Variants in ADGB observed in about 807,000 individuals in gnomAD.
ADGB encodes calpain-7-like protein.
A neutral mutation model predicts 210.5 loss-of-function variants in ADGB; 172 were observed. That is an observed-to-expected ratio of 0.82 (90% CI 0.72 to 0.93). The LOEUF is 0.93. Ranked by LOEUF, ADGB falls within the 40% of genes least tolerant of loss-of-function variation. ADGB has a pLI of 0.00. For synonymous variants in ADGB, 658 were observed against 662.7 expected, an observed-to-expected ratio of 0.99 and a Z score of 0.11; for missense variants, 2,025 against 1,964.8, an observed-to-expected ratio of 1.03 and a Z score of -0.58.
At chr6:146,676,243 ATGAC>A (rs951872816) in intron 8 of ADGB, 66 bp from the exon 9 acceptor site, 3 of 1,351,510 alleles carry the variant, frequency 2.2e-6, no homozygotes, top group African/African-American at 3.0e-5. Context: ...CTTTAAGACA[ATGAC>A]TGAATAAGAA....
chr6:146,716,455 C>A (rs868613966), intron 14 of ADGB, among the ~76,000 whole-genome samples: 4 of 141,448 alleles, frequency 2.8e-5, no homozygotes, highest in Admixed American at 2.7e-4. Flanking sequence ...TAGCCGGGCG[C>A]GGTGGCGGGC....
In ADGB at chr6:146,696,129, G is replaced by T. The variant is rs150499132; in HGVS notation, c.1577+3214G>T. Reference sequence around the variant, plus strand: ...TCTGCTCTGCTGCCCAGGCTAGAGTGCAGTGGAGCAATCTTGGCTCACTGC... The same window carrying T: ...TCTGCTCTGCTGCCCAGGCTAGAGTTCAGTGGAGCAATCTTGGCTCACTGC... On this transcript the variant is annotated intron_variant, in intron 12 of 35. Transcript: ENST00000397944. 9.3e-3 allele frequency among the ~76,000 whole-genome samples: 1,410 copies of T among 150,934 alleles called. 32 individuals carry two copies. The highest frequency in any genetic ancestry group is 0.033 in the African/African-American group (1,352 of 40,972).
intron 9 of ADGB, among the ~76,000 whole-genome samples, chr6:146,685,456 A>T (rs1178685667): frequency 6.6e-6 from 1 of 152,034 alleles, no homozygotes; most frequent in Non-Finnish European, 1.5e-5. Flanking sequence ...GCACTGACGA[A>T]TAACTAGAGT....
intron 35 of ADGB, among the ~76,000 whole-genome samples, chr6:146,807,042 G>A (rs1025153148): frequency 1.3e-4 from 20 of 152,136 alleles, no homozygotes; most frequent in Non-Finnish European, 1.5e-5. Context: ...TACATGTGGG[G>A]AACTAGTAAT....
intron 1 of ADGB, among the ~76,000 whole-genome samples, chr6:146,623,990 A>AT (rs1780937091): frequency 1.3e-5 from 2 of 151,624 alleles, no homozygotes; most frequent in Admixed American, 6.6e-5. Flanking sequence ...CTGTCTAGAT[A>AT]TTTTTTGCAT....
At chr6:146,770,488 C>G (rs1777634183) in intron 29 of ADGB, 1 of 411,928 alleles carries the variant, frequency 2.4e-6, no homozygotes, top group African/African-American at 2.1e-5. Context: ...TCTGAGGTTC[C>G]TCTCTCATTG....
chr6:146,624,850 GTTATT>G (rs1187132801), intron 1 of ADGB, among the ~76,000 whole-genome samples: 1 of 151,786 alleles, frequency 6.6e-6, no homozygotes, highest in Non-Finnish European at 1.5e-5. Context: ...ATTACAGTGT[GTTATT>G]TATATTTCAA....
intron 5 of ADGB, among the ~76,000 whole-genome samples, chr6:146,658,112 G>T (rs1775809948): frequency 6.6e-6 from 1 of 152,078 alleles, no homozygotes; most frequent in East Asian, 1.9e-4. Context: ...CTGGGATGGG[G>T]AATGTTGAAG....
At chr6:146,700,513 A>G (rs1426170412) in intron 12 of ADGB, among the ~76,000 whole-genome samples, 1 of 152,196 alleles carries the variant, frequency 6.6e-6, no homozygotes, top group Non-Finnish European at 1.5e-5. Context: ...ACTTGAAAGG[A>G]AGACTGTATG....
At chr6:146,780,033 T>C (rs959725402) in intron 29 of ADGB, among the ~76,000 whole-genome samples, 5 of 151,994 alleles carry the variant, frequency 3.3e-5, no homozygotes, top group Non-Finnish European at 7.4e-5. Context: ...ATCATAAGTC[T>C]GTGTTGATGG....
At chr6:146,654,297 T>G in intron 4 of ADGB, 91 bp downstream of exon 4, 2 of 725,594 alleles carry the variant, frequency 2.8e-6, no homozygotes, top group Non-Finnish European at 4.5e-6. Context: ...CAACTCTCCC[T>G]TGCTCACCTT....
At chr6:146,712,313 T>A (rs900376473) in intron 13 of ADGB, among the ~76,000 whole-genome samples, 1 of 151,912 alleles carries the variant, frequency 6.6e-6, no homozygotes, top group Non-Finnish European at 1.5e-5. Context: ...GCCTCCCAAG[T>A]AGCTGGGGCT....
At chr6:146,774,708 A>G (rs994253174) in intron 29 of ADGB, among the ~76,000 whole-genome samples, 1 of 152,200 alleles carries the variant, frequency 6.6e-6, no homozygotes, top group Non-Finnish European at 1.5e-5. Flanking sequence ...TTATATATAC[A>G]ACTTAAAATC....
In ADGB at chr6:146,746,001, G is replaced by A; in HGVS notation, c.3257G>A (p.Gly1086Asp). ...AASRWKLRLI[G>D]SSAPLPCLSR... Reference sequence around the variant, plus strand: ...TCACGATGGAAACTGCGTCTCATCGGTTCTTCTGCTCCACTGCCATGCCTC... The same window carrying A: ...TCACGATGGAAACTGCGTCTCATCGATTCTTCTGCTCCACTGCCATGCCTC... Residue 1086 changes from glycine to aspartate, a missense_variant, in exon 26 of 36, where the codon GGT (glycine) becomes GAT (aspartate). Coordinates refer to ENST00000397944, the MANE Select transcript of ADGB (RefSeq NM_024694.4). The A allele has an allele frequency of 1.3e-6, 2 of 1,551,304 alleles. No individual in the cohort carries two copies. Among genetic ancestry groups the A allele is most frequent in the South Asian group, 2.4e-5 (2 of 84,030 alleles).
intron 2 of ADGB, among the ~76,000 whole-genome samples, chr6:146,637,866 C>G (rs542315717): frequency 6.6e-6 from 1 of 151,974 alleles, no homozygotes; most frequent in Non-Finnish European, 1.5e-5. Context: ...GAGAAGGAGA[C>G]ACTCCTCCCC....
At chr6:146,800,619 C>T (rs1022818269) in intron 33 of ADGB, among the ~76,000 whole-genome samples, 9 of 151,908 alleles carry the variant, frequency 5.9e-5, no homozygotes, top group South Asian at 2.1e-4. Context: ...CTTGTGGGCT[C>T]GATACTGTTC....
At chr6:146,729,629 A>G (rs1776949747) in intron 20 of ADGB, among the ~76,000 whole-genome samples, 1 of 152,070 alleles carries the variant, frequency 6.6e-6, no homozygotes, top group Non-Finnish European at 1.5e-5. Context: ...AAAATTGAAG[A>G]GATGGGGTCT....
intron 3 of ADGB, 130 bp downstream of exon 3, chr6:146,644,995 T>C (rs1484248806): frequency 2.5e-5 from 12 of 483,926 alleles, no homozygotes; most frequent in African/African-American, 6.1e-5. Context: ...AAGTAATTGC[T>C]TTTTGGCAAC....
intron 10 of ADGB, among the ~76,000 whole-genome samples, 169 bp from the exon 11 acceptor site, chr6:146,690,947 G>A (rs1776296510): frequency 6.6e-6 from 1 of 151,976 alleles, no homozygotes; most frequent in South Asian, 2.1e-4. Flanking sequence ...TTAAAAGATG[G>A]AAAGAAATAC....
Sources: allele counts gnomAD v4.1 joint callset (sites outside exome capture counted in the v4.1 genomes callset), GRCh38; gene constraint gnomAD v4.1.1; transcripts MANE v1.5; gene names NCBI Gene and HGNC (gene_info 2026-07-23, HGNC 2026-07-21).